The following OR10G2 variants were observed in gnomAD, a reference collection of about 807,000 sequenced individuals.
OR10G2 encodes olfactory receptor family 10 subfamily G member 2.
For synonymous variants in OR10G2, 147 were observed against 164.2 expected, an observed-to-expected ratio of 0.90 and a Z score of 0.80; for missense variants, 396 against 387.6, an observed-to-expected ratio of 1.02 and a Z score of -0.18.
In OR10G2 at chr14:21,634,512, A is replaced by G. The variant is rs1878629069; in HGVS notation, c.331T>C (p.Phe111Leu). 6.2e-7 allele frequency: 1 copy of G among 1,614,110 alleles called. No individual in the cohort carries two copies. Among genetic ancestry groups the G allele is most frequent in the Admixed American group, 1.7e-5 (1 of 60,006 alleles). The part of the protein sequence containing the change: ...GCVAQLYFFH[F>L]LGSTQCFLYT... ...AGGAAGCACTGGGTGCTGCCCAGGAAGTGAAAGAAATACAGTTGAGCCACA... is the reference window on the plus strand; with the variant it reads ...AGGAAGCACTGGGTGCTGCCCAGGAGGTGAAAGAAATACAGTTGAGCCACA... The change falls in exon 1 of 1, where the codon TTC (phenylalanine) becomes CTC (leucine). Residue 111 changes from phenylalanine to leucine, a missense_variant. Coordinates refer to ENST00000542433, the MANE Select transcript of OR10G2 (RefSeq NM_001005466.2).
In OR10G2 at chr14:21,633,917, G is replaced by A; in HGVS notation, c.926C>T (p.Ala309Val). Residue 309 changes from alanine (A) to valine (V), a missense_variant, in exon 1 of 1, where the codon GCA becomes GTA. Coordinates refer to ENST00000542433, the MANE Select transcript of OR10G2 (RefSeq NM_001005466.2). ...EVKSALKRITAG is the reference protein window; with the variant it reads ...EVKSALKRITVG ...TTATTTTCATTCAGTCCTTCAACCTGCTGTTATCCTCTTCAGGGCAGACTT... is the reference window on the plus strand; with the variant it reads ...TTATTTTCATTCAGTCCTTCAACCTACTGTTATCCTCTTCAGGGCAGACTT... 1.2e-6 allele frequency: 2 copies of A among 1,602,112 alleles called. No individual in the cohort carries two copies. Among genetic ancestry groups the A allele is most frequent in the East Asian group, 4.5e-5 (2 of 44,766 alleles).
rs1878626081 is a variant in OR10G2, at chr14:21,634,463, C to A, written c.380G>T (p.Arg127Met). 1 of 1,614,204 alleles carries A rather than the reference C, an allele frequency of 6.2e-7. No homozygotes were observed. Among genetic ancestry groups the A allele is most frequent in the South Asian group, 1.1e-5 (1 of 91,072 alleles). Residue 127 changes from arginine to methionine, a missense_variant, in exon 1 of 1, where the codon AGG (arginine) becomes ATG (methionine). By Grantham distance (91) the Arg-to-Met change is moderately conservative (BLOSUM62 -1). Coordinates refer to ENST00000542433, the MANE Select transcript of OR10G2 (RefSeq NM_001005466.2). ...CFLYTLMAYDRYLAICQPLRY... is the reference protein window; with the variant it reads ...CFLYTLMAYDMYLAICQPLRY... Reference sequence around the variant, plus strand: ...CAGGGGCTGACATATTGCCAGGTACCTGTCATAGGCCATCAAGGTGTAGAG... The same window carrying A: ...CAGGGGCTGACATATTGCCAGGTACATGTCATAGGCCATCAAGGTGTAGAG...
chr14:21,634,299 A>G lies in OR10G2; in HGVS notation c.544T>C (p.Phe182Leu). 1.9e-6 allele frequency: 3 copies of G among 1,614,226 alleles called. No individual in the cohort carries two copies. Among genetic ancestry groups the G allele is most frequent in the Non-Finnish European group, 2.5e-6 (3 of 1,180,046 alleles). The change falls in exon 1 of 1, where the codon TTT becomes CTT. Residue 182 changes from phenylalanine (F) to leucine (L), a missense_variant. By Grantham distance (22) the Phe-to-Leu change is conservative. Transcript: ENST00000542433. ...AATACTGCGGGGATGTCACAGATAA[A>G]GTAATCCACCTGATTGGGCCCACAG... ...PYCGPNQVDY[F>L]ICDIPAVLRL...
In OR10G2 at chr14:21,633,932, A is replaced by G. The variant is rs2139758862; in HGVS notation, c.911T>C (p.Leu304Pro). 1 of 1,608,648 alleles carries G rather than the reference A, an allele frequency of 6.2e-7. No individual in the cohort carries two copies. Among genetic ancestry groups the G allele is most frequent in the East Asian group, 2.2e-5 (1 of 44,864 alleles). Residue 304 changes from leucine (L) to proline (P), a missense_variant, in exon 1 of 1, where the codon CTG (leucine) becomes CCG (proline). Coordinates refer to ENST00000542433, the MANE Select transcript of OR10G2 (RefSeq NM_001005466.2). ...TLRNQEVKSA[L>P]KRITAG ...CCTTCAACCTGCTGTTATCCTCTTC[A>G]GGGCAGACTTCACTTCCTGGTTCCT...
rs772658943 is a variant in OR10G2 at position 21,634,207 on chromosome 14, G to T, written c.636C>A (p.Ala212=). Residue 212 remains alanine, a synonymous_variant, in exon 1 of 1, where the codon GCC becomes GCA. Transcript: ENST00000542433. ...LVTFVDVGVV[A]ASCFMLILLS... is the part of the protein sequence containing the mutation. ...GCAGAATTAACATGAAGCAACTGGC[G>T]GCCACTACCCCGACGTCCACAAAGG... The T allele has an allele frequency of 3.1e-6, 5 of 1,614,156 alleles. No homozygotes were observed. The highest frequency in any genetic ancestry group is 4.2e-6 in the Non-Finnish European group (5 of 1,180,026).
In OR10G2 at chr14:21,634,526, A is replaced by T; in HGVS notation, c.317T>A (p.Leu106Gln). The change falls in exon 1 of 1, where the codon CTG becomes CAG. Residue 106 changes from leucine to glutamine, a missense_variant. Physicochemically the swap from Leu to Gln is moderately radical, Grantham distance 113. Coordinates refer to ENST00000542433, the MANE Select transcript of OR10G2 (RefSeq NM_001005466.2). ...GCTGCCCAGGAAGTGAAAGAAATAC[A>T]GTTGAGCCACACAGCCACCAAACGG... ...AIPFGGCVAQLYFFHFLGSTQ... is the reference protein window; with the variant it reads ...AIPFGGCVAQQYFFHFLGSTQ... 1 of 1,614,204 alleles carries T rather than the reference A, an allele frequency of 6.2e-7. No homozygotes were observed. Among genetic ancestry groups the T allele is most frequent in the Non-Finnish European group, 8.5e-7 (1 of 1,180,028 alleles).
Position 21,634,629 on chromosome 14 carries a change from A to G in OR10G2, c.214T>C (p.Ser72Pro). 6.2e-7 allele frequency: 1 copy of G among 1,614,146 alleles called. No homozygotes were observed. Among genetic ancestry groups the G allele is most frequent in the Admixed American group, 1.7e-5 (1 of 60,006 alleles). ...GAGGAGAGCCACATGTCCAGGAATG[A>G]GAGCACTCCCAGAAGAATGTACATG... Reference protein sequence around the residue: ...RPMYILLGVLSFLDMWLSSVT... With the variant: ...RPMYILLGVLPFLDMWLSSVT... The change falls in exon 1 of 1, where the codon TCA becomes CCA. Residue 72 changes from serine to proline, a missense_variant. Physicochemically the swap from Ser to Pro is moderately conservative, Grantham distance 74. Coordinates refer to ENST00000542433, the MANE Select transcript of OR10G2 (RefSeq NM_001005466.2).
At position 21,634,724 on chromosome 14, in the gene OR10G2, A is replaced by T. The variant is rs376205658; in HGVS notation, c.119T>A (p.Ile40Asn). ...LLFLVFFIIY[I>N]LTQLGNLLIL... The stretch of plus-strand genomic sequence containing the variant: ...GAGCAGGTTCCCCAGCTGAGTGAGG[A>T]TGTAAATGATGAAGAAGACCAGGAA... Residue 40 changes from isoleucine (I) to asparagine (N), a missense_variant, in exon 1 of 1, where the codon ATC becomes AAC. Coordinates refer to ENST00000542433, the MANE Select transcript of OR10G2 (RefSeq NM_001005466.2). 43 of 1,614,146 alleles carry T rather than the reference A, an allele frequency of 2.7e-5. No homozygotes were observed. In the Middle Eastern group the frequency reaches 4.9e-4, roughly 19 times the overall value.
At position 21,634,744 on chromosome 14, in the gene OR10G2, C is replaced by G. The variant is rs1407418200; in HGVS notation, c.99G>C (p.Leu33=). The change falls in exon 1 of 1, where the codon CTG becomes CTC. Residue 33 remains leucine (L), a synonymous_variant. Coordinates refer to ENST00000542433, the MANE Select transcript of OR10G2 (RefSeq NM_001005466.2). ...HPPNLRSLLF[L]VFFIIYILTQ... is the part of the protein sequence containing the mutation. ...TGAGGATGTAAATGATGAAGAAGAC[C>G]AGGAAGAGGAGGCTTCTTAGATTTG... 1.9e-6 allele frequency: 3 copies of G among 1,613,974 alleles called. No individual in the cohort carries two copies. The highest frequency in any genetic ancestry group is 1.7e-6 in the Non-Finnish European group (2 of 1,179,944).
At position 21,634,645 on chromosome 14, in the gene OR10G2, AATGTAC is replaced by A. The variant is rs767663076; in HGVS notation, c.192_197del (p.Met64_Tyr65del). 3.1e-6 allele frequency: 5 copies of A among 1,614,002 alleles called. No homozygotes were observed. The African/African-American group carries it at 6.7e-5, about 22-fold the overall frequency. ...CCAGGAATGAGAGCACTCCCAGAAG[AATGTAC>A]ATGGGGCGAGCACAGAGCTTCGGGT... On this transcript the variant is annotated inframe_deletion, in exon 1 of 1. Coordinates refer to ENST00000542433, the MANE Select transcript of OR10G2 (RefSeq NM_001005466.2).
At position 21,634,767 on chromosome 14, in the gene OR10G2, T is replaced by C. The variant is rs758284063; in HGVS notation, c.76A>G (p.Asn26Asp). The C allele has an allele frequency of 1.9e-6, 3 of 1,614,062 alleles. No homozygotes were observed. Among genetic ancestry groups the C allele is most frequent in the Non-Finnish European group, 2.5e-6 (3 of 1,180,020 alleles). Residue 26 changes from asparagine (N) to aspartate (D), a missense_variant, in exon 1 of 1, where the codon AAT becomes GAT. By Grantham distance (23) the Asn-to-Asp change is conservative (BLOSUM62 1). Coordinates refer to ENST00000542433, the MANE Select transcript of OR10G2 (RefSeq NM_001005466.2). ...FILLGLSHPP[N>D]LRSLLFLVFF... ...ACCAGGAAGAGGAGGCTTCTTAGAT[T>C]TGGGGGGTGAGACAAACCCAGAAGA...
Position 21,634,872 on chromosome 14 carries a change from T to A in OR10G2, c.-30A>T, listed in dbSNP as rs749640006. ...TTTTGTAGTCTGCTAAGATGAATGG[T>A]GACGTTTGACAAGAGAAACACAGCA... On this transcript the variant is annotated 5_prime_UTR_variant, in exon 1 of 1. Transcript: ENST00000542433. 3 of 1,525,156 alleles carry A rather than the reference T, an allele frequency of 2.0e-6. No individual in the cohort carries two copies. The highest frequency in any genetic ancestry group is 2.7e-6 in the Non-Finnish European group (3 of 1,124,224). 94.5% of individuals were successfully genotyped at this position (1,525,156 alleles called of 1,614,324 possible).
chr14:21,633,959 A>G lies in OR10G2; in HGVS notation c.884T>C (p.Leu295Pro), dbSNP rs200840713. Residue 295 changes from leucine (L) to proline (P), a missense_variant, in exon 1 of 1, where the codon CTG (leucine) becomes CCG (proline). Physicochemically the swap from Leu to Pro is moderately conservative, Grantham distance 98 (BLOSUM62 -3). Transcript: ENST00000542433. ...TPLLNPLIYT[L>P]RNQEVKSALK... ...GGCAGACTTCACTTCCTGGTTCCTC[A>G]GTGTATAGATGAGGGGGTTCAGTAA... 1.9e-6 allele frequency: 3 copies of G among 1,613,062 alleles called. No homozygotes were observed. In the Admixed American group the frequency reaches 5.0e-5, roughly 27 times the overall value.
rs10136017 is a variant in OR10G2 at position 21,634,258 on chromosome 14, A to T, written c.585T>A (p.Ala195=). 1.3e-4 allele frequency: 211 copies of T among 1,614,214 alleles called. 1 individual carries two copies. The African/African-American group carries it at 2.7e-3, about 20-fold the overall frequency. Reference sequence around the variant, plus strand: ...TCACAAGCTCATTGACAGTTGTGTCAGCACAGGCCAGTCTCAATACTGCGG... The same window carrying T: ...TCACAAGCTCATTGACAGTTGTGTCTGCACAGGCCAGTCTCAATACTGCGG... ...DIPAVLRLAC[A]DTTVNELVTF... is the part of the protein sequence containing the mutation. Residue 195 remains alanine, a synonymous_variant, in exon 1 of 1, where the codon GCT becomes GCA. Coordinates refer to ENST00000542433, the MANE Select transcript of OR10G2 (RefSeq NM_001005466.2).
chr14:21,634,804 C>G lies in OR10G2; in HGVS notation c.39G>C (p.Val13=). 1 of 1,613,382 alleles carries G rather than the reference C, an allele frequency of 6.2e-7. No homozygotes were observed. The highest frequency in any genetic ancestry group is 8.5e-7 in the Non-Finnish European group (1 of 1,179,786). ...KTKNTSLDAV[V]TDFILLGLSH... is the part of the protein sequence containing the mutation. ...ACAAACCCAGAAGAATGAAATCTGTCACCACGGCATCCAGCGATGTGTTTT... is the reference window on the plus strand; with the variant it reads ...ACAAACCCAGAAGAATGAAATCTGTGACCACGGCATCCAGCGATGTGTTTT... Residue 13 remains valine, a synonymous_variant, in exon 1 of 1, where the codon GTG becomes GTC. Transcript: ENST00000542433.
In OR10G2 at chr14:21,634,241, T is replaced by C. The variant is rs1476774421; in HGVS notation, c.602A>G (p.Glu201Gly). ...RLACADTTVN[E>G]LVTFVDVGVV... ...CCCGACGTCCACAAAGGTCACAAGCTCATTGACAGTTGTGTCAGCACAGGC... is the reference window on the plus strand; with the variant it reads ...CCCGACGTCCACAAAGGTCACAAGCCCATTGACAGTTGTGTCAGCACAGGC... The change falls in exon 1 of 1, where the codon GAG becomes GGG. Residue 201 changes from glutamate to glycine, a missense_variant. Physicochemically the swap from Glu to Gly is moderately conservative, Grantham distance 98. Transcript: ENST00000542433. The C allele has an allele frequency of 5.6e-6, 9 of 1,614,120 alleles. No individual in the cohort carries two copies. The highest frequency in any genetic ancestry group is 2.2e-5 in the East Asian group (1 of 44,890).
In OR10G2 at chr14:21,634,082, G is replaced by A. The variant is rs1406251635; in HGVS notation, c.761C>T (p.Thr254Ile). The A allele has an allele frequency of 6.2e-7, 1 of 1,614,022 alleles. No homozygotes were observed. Among genetic ancestry groups the A allele is most frequent in the Non-Finnish European group, 8.5e-7 (1 of 1,179,996 alleles). The stretch of plus-strand genomic sequence containing the variant: ...GAAAATACAGGGGACATAGTAGACT[G>A]TGACCACGATTAGGTGGGAGCCACA... Reference protein sequence around the residue: ...STCGSHLIVVTVYYVPCIFIY... With the variant: ...STCGSHLIVVIVYYVPCIFIY... The change falls in exon 1 of 1, where the codon ACA becomes ATA. Residue 254 changes from threonine to isoleucine, a missense_variant. Physicochemically the swap from Thr to Ile is moderately conservative, Grantham distance 89. Transcript: ENST00000542433.
In OR10G2 at chr14:21,634,282, G is replaced by A. The variant is rs200447830; in HGVS notation, c.561C>T (p.Pro187=). The change falls in exon 1 of 1, where the codon CCC becomes CCT. Residue 187 remains proline (P), a synonymous_variant. Transcript: ENST00000542433. The part of the protein sequence containing the change: ...NQVDYFICDI[P]AVLRLACADT... ...CAGCACAGGCCAGTCTCAATACTGC[G>A]GGGATGTCACAGATAAAGTAATCCA... 1.0e-4 allele frequency: 164 copies of A among 1,614,014 alleles called. 1 individual carries two copies. Among genetic ancestry groups the A allele is most frequent in the Non-Finnish European group, 1.2e-4 (146 of 1,180,046 alleles).
Position 21,634,194 on chromosome 14 carries a change from T to C in OR10G2, c.649A>G (p.Met217Val). 1.9e-6 allele frequency: 3 copies of C among 1,614,156 alleles called. No individual in the cohort carries two copies. The highest frequency in any genetic ancestry group is 2.7e-5 in the African/African-American group (2 of 75,034). The change falls in exon 1 of 1, where the codon ATG (methionine) becomes GTG (valine). Residue 217 changes from methionine (M) to valine (V), a missense_variant. By Grantham distance (21) the Met-to-Val change is conservative. Transcript: ENST00000542433. ...DVGVVAASCFMLILLSYANIV... is the reference protein window; with the variant it reads ...DVGVVAASCFVLILLSYANIV... Reference sequence around the variant, plus strand: ...TTGGCATACGAGAGCAGAATTAACATGAAGCAACTGGCGGCCACTACCCCG... The same window carrying C: ...TTGGCATACGAGAGCAGAATTAACACGAAGCAACTGGCGGCCACTACCCCG...
Sources: gnomAD v4.1 joint callset for allele counts on GRCh38, gnomAD v4.1.1 for gene constraint, MANE v1.5 for transcripts, NCBI Gene and HGNC (gene_info 2026-07-23, HGNC 2026-07-21) for gene names.